DOK5: variants seen among roughly 807,000 people sequenced by gnomAD.
The protein encoded by DOK5 is downstream of tyrosine kinase 5.
DOK5 carries 27 observed loss-of-function variants against 43.3 expected under a neutral mutation model. The observed-to-expected ratio is 0.62, with a 90% CI of 0.46 to 0.86. DOK5 has a LOEUF of 0.86. Ranked by LOEUF, DOK5 falls within the 40% of genes least tolerant of loss-of-function variation. DOK5 has a pLI of 0.00. For synonymous variants in DOK5, 146 were observed against 140.1 expected, an observed-to-expected ratio of 1.04 and a Z score of -0.30; for missense variants, 373 against 392.9, an observed-to-expected ratio of 0.95 and a Z score of 0.43.
intron 1 of DOK5, among the ~76,000 whole-genome samples, chr20:54,521,495 G>T (rs910555735): frequency 6.6e-6 from 1 of 152,072 alleles, no homozygotes; most frequent in Non-Finnish European, 1.5e-5. Flanking sequence ...ATATTTACTG[G>T]ATTATTATAA....
chr20:54,613,192 ATCTCTCTCTCTC>A (rs11468450), intron 6 of DOK5, among the ~76,000 whole-genome samples: 4 of 142,968 alleles, frequency 2.8e-5, no homozygotes, highest in East Asian at 4.4e-4. Context: ...TCTGCGCCTC[ATCTCTCTCTCTC>A]TCTCTCTCTC....
chr20:54,585,829 A>G (rs1252385260), intron 2 of DOK5, among the ~76,000 whole-genome samples: 3 of 152,258 alleles, frequency 2.0e-5, no homozygotes, highest in Non-Finnish European at 4.4e-5. Context: ...GATAGTCTCT[A>G]TAAAAATGCT....
At chr20:54,566,178 G>A (rs968967899) in intron 2 of DOK5, among the ~76,000 whole-genome samples, 6 of 139,994 alleles carry the variant, frequency 4.3e-5, no homozygotes, top group East Asian at 2.1e-4. Flanking sequence ...ATGTTTAATC[G>A]TTTGGGATTG....
At chr20:54,537,153 C>T (rs1439841612) in intron 1 of DOK5, among the ~76,000 whole-genome samples, 3 of 152,134 alleles carry the variant, frequency 2.0e-5, no homozygotes, top group Non-Finnish European at 4.4e-5. Flanking sequence ...TGAGGGGCCC[C>T]GTCAAGTATC....
At chr20:54,647,756 A>T (rs1335999750) in intron 7 of DOK5, among the ~76,000 whole-genome samples, 1 of 152,180 alleles carries the variant, frequency 6.6e-6, no homozygotes, top group Non-Finnish European at 1.5e-5. Flanking sequence ...TCTCATGGAG[A>T]GTCAGAAAAC....
intron 6 of DOK5, among the ~76,000 whole-genome samples, chr20:54,622,116 C>T (rs1354355489): frequency 6.6e-6 from 1 of 151,900 alleles, no homozygotes; most frequent in Non-Finnish European, 1.5e-5. Context: ...ATCGCTTGAA[C>T]CCAGGAGTCG....
chr20:54,612,278 G>A (rs2146795125), intron 6 of DOK5, among the ~76,000 whole-genome samples: 1 of 152,296 alleles, frequency 6.6e-6, no homozygotes, highest in Middle Eastern at 3.4e-3. Flanking sequence ...GTGAGCCAGT[G>A]CTGACGTAAG....
chr20:54,522,145 G>A (rs1983421300), intron 1 of DOK5, among the ~76,000 whole-genome samples: 1 of 151,930 alleles, frequency 6.6e-6, no homozygotes, highest in South Asian at 2.1e-4. Flanking sequence ...GTCTTCCCTG[G>A]GCCACATTGG....
chr20:54,566,011 C>T (rs1294526461), intron 2 of DOK5, among the ~76,000 whole-genome samples: 12 of 135,014 alleles, frequency 8.9e-5, no homozygotes, highest in South Asian at 4.4e-4. Flanking sequence ...AGCGAGATTC[C>T]GTCTCAAAAA....
At chr20:54,497,397 T>C (rs887662893) in intron 1 of DOK5, among the ~76,000 whole-genome samples, 6 of 152,250 alleles carry the variant, frequency 3.9e-5, no homozygotes, top group Admixed American at 3.9e-4. Context: ...ACTTTTGGAA[T>C]ATCTAGTTCT....
At chr20:54,627,846 TGGA>T (rs1978371370) in intron 6 of DOK5, among the ~76,000 whole-genome samples, 4 of 152,220 alleles carry the variant, frequency 2.6e-5, no homozygotes, top group Admixed American at 2.6e-4. Flanking sequence ...ACCGATGCTC[TGGA>T]GTGAATTTCA....
intron 6 of DOK5, among the ~76,000 whole-genome samples, chr20:54,631,430 G>GAAGAAAGGA (rs11474102): frequency 0.12 from 18,560 of 149,774 alleles, 1,944 homozygotes; most frequent in African/African-American, 0.29. Context: ...TAAAGAAAGA[G>GAAGAAAGGA]AAGAAAGGAA....
At chr20:54,582,428 A>G (rs938643927) in intron 2 of DOK5, among the ~76,000 whole-genome samples, 9 of 151,648 alleles carry the variant, frequency 5.9e-5, no homozygotes, top group African/African-American at 1.9e-4. Context: ...GTTGAGAAGA[A>G]TTTGCATTAA....
At chr20:54,574,566 A>G (rs1985395425) in intron 2 of DOK5, among the ~76,000 whole-genome samples, 1 of 152,286 alleles carries the variant, frequency 6.6e-6, no homozygotes, top group South Asian at 2.1e-4. Context: ...ACTTGCTCAT[A>G]TGACTAAATT....
At chr20:54,550,235 G>A (rs935970832) in intron 1 of DOK5, among the ~76,000 whole-genome samples, 9 of 150,638 alleles carry the variant, frequency 6.0e-5, no homozygotes, top group Non-Finnish European at 1.3e-4. Flanking sequence ...TGTTAGATTA[G>A]GCTGTAATTT....
At chr20:54,508,099 T>C (rs6023325) in intron 1 of DOK5, among the ~76,000 whole-genome samples, 5,387 of 152,214 alleles carry the variant, frequency 0.035, 331 homozygotes, top group African/African-American at 0.12. Context: ...GACTTACCCA[T>C]GCCAAAGTTG....
intron 6 of DOK5, among the ~76,000 whole-genome samples, chr20:54,615,927 C>G (rs1386366063): frequency 6.6e-6 from 1 of 151,424 alleles, no homozygotes; most frequent in Non-Finnish European, 1.5e-5. Context: ...AAAACAGGTT[C>G]TCCCCCAGAA....
intron 1 of DOK5, among the ~76,000 whole-genome samples, chr20:54,531,690 C>G (rs2146706402): frequency 6.6e-6 from 1 of 152,310 alleles, no homozygotes; most frequent in South Asian, 2.1e-4. Flanking sequence ...TAAAACTTTA[C>G]AAAGTTTCCA....
chr20:54,551,683 T>C (rs1027045720), intron 1 of DOK5, among the ~76,000 whole-genome samples: 42 of 152,350 alleles, frequency 2.8e-4, no homozygotes, highest in African/African-American at 1.0e-3. Flanking sequence ...ACTGAATTGC[T>C]TTTCCACCTT....
Sources: gnomAD v4.1 joint callset for allele counts (sites outside exome capture counted in the v4.1 genomes callset) on GRCh38, gnomAD v4.1.1 for gene constraint, MANE v1.5 for transcripts, NCBI Gene and HGNC (gene_info 2026-07-23, HGNC 2026-07-21) for gene names.